The following SCAMP2 variants were observed in gnomAD, a reference collection of about 807,000 sequenced individuals.
The protein encoded by SCAMP2 is secretory carrier-associated membrane protein 2.
SCAMP2 carries 25 observed loss-of-function variants against 44.1 expected under a neutral mutation model. The observed-to-expected ratio is 0.57, with a 90% CI of 0.41 to 0.79. The LOEUF (loss-of-function observed/expected upper bound fraction) is 0.79. Ranked by LOEUF, SCAMP2 falls within the 30% of genes least tolerant of loss-of-function variation. SCAMP2 has a pLI of 0.00. For missense variants in SCAMP2, 355 were observed against 411.0 expected (o/e 0.86, Z 1.18); for synonymous variants, 156 against 166.0 (o/e 0.94, Z 0.46).
intron 6 of SCAMP2, 41 bp downstream of exon 6, chr15:74,850,473 G>A: frequency 6.3e-7 from 1 of 1,593,112 alleles, no homozygotes; most frequent in Non-Finnish European, 8.6e-7. Context: ...TACCTGGGAT[G>A]CCAGCCATAA....
At position 74,845,236 on chromosome 15, in the gene SCAMP2, G is replaced by C. The variant is rs770602744; in HGVS notation, c.856-19C>G. 6.2e-7 allele frequency: 1 copy of C among 1,609,632 alleles called. No individual in the cohort carries two copies. Among genetic ancestry groups the C allele is most frequent in the Admixed American group, 1.7e-5 (1 of 59,934 alleles). ...AGTGCACCTGGCGAAGAGGGGTGGGGTGAGAGAAGCCTGTCCTTTGGGCCC... is the reference window on the plus strand; with the variant it reads ...AGTGCACCTGGCGAAGAGGGGTGGGCTGAGAGAAGCCTGTCCTTTGGGCCC... On this transcript the variant is annotated intron_variant, in intron 8 of 8. Transcript: ENST00000268099.
At chr15:74,854,289 G>C (rs2064454128) in intron 2 of SCAMP2, among the ~76,000 whole-genome samples, 170 bp from the exon 3 acceptor site, 1 of 152,232 alleles carries the variant, frequency 6.6e-6, no homozygotes, top group Non-Finnish European at 1.5e-5. Context: ...TCAGGTTCAG[G>C]CCATCTGATC....
intron 1 of SCAMP2, among the ~76,000 whole-genome samples, chr15:74,869,167 A>G (rs192548270): frequency 6.6e-6 from 1 of 152,252 alleles, no homozygotes; most frequent in East Asian, 1.9e-4. Flanking sequence ...AAACATAAAC[A>G]AAGAAACAAA....
Position 74,844,749 on chromosome 15 carries a change from C to A in SCAMP2, c.*334G>T, listed in dbSNP as rs937842631. ...CAGAAAGCTCCAGCTGGGATGGGCC[C>A]AGGTCAGCCTGTGATCCCAACTGTG... On this transcript the variant is annotated 3_prime_UTR_variant, in exon 9 of 9. Transcript: ENST00000268099. 1.4e-5 allele frequency: 3 copies of A among 210,750 alleles called. No individual in the cohort carries two copies. Among genetic ancestry groups the A allele is most frequent in the Non-Finnish European group, 1.9e-5 (2 of 103,742 alleles). The allele number at this position is 210,750 out of a possible 1,614,324, so 13.1% of individuals were successfully genotyped here. A position where few individuals can be genotyped will look rare whatever the true frequency, so the allele number is the denominator to read the frequency against.
intron 1 of SCAMP2, among the ~76,000 whole-genome samples, chr15:74,864,197 G>A (rs1190508107): frequency 2.0e-5 from 3 of 152,136 alleles, no homozygotes; most frequent in East Asian, 1.9e-4. Context: ...GAGTAGCTAG[G>A]ATTACAGGTG....
chr15:74,854,276 G>A (rs1759235738), intron 2 of SCAMP2, among the ~76,000 whole-genome samples, 157 bp from the exon 3 acceptor site: 1 of 152,254 alleles, frequency 6.6e-6, no homozygotes, highest in Admixed American at 6.5e-5. Context: ...CAGCCAACAA[G>A]CCTCAGGTTC....
At chr15:74,861,442 T>G (rs2064502434) in intron 1 of SCAMP2, among the ~76,000 whole-genome samples, 1 of 152,148 alleles carries the variant, frequency 6.6e-6, no homozygotes, top group Admixed American at 6.5e-5. Context: ...TGTAAAAATC[T>G]GTACCTGCAA....
chr15:74,859,350 A>G (rs1163445555), intron 1 of SCAMP2, among the ~76,000 whole-genome samples: 2 of 152,186 alleles, frequency 1.3e-5, no homozygotes, highest in Non-Finnish European at 1.5e-5. Flanking sequence ...CTGGTATCTG[A>G]GACAAGTGGG....
At chr15:74,853,518 T>C in intron 3 of SCAMP2, 1 of 454,200 alleles carries the variant, frequency 2.2e-6, no homozygotes, top group Non-Finnish European at 4.4e-6. Context: ...AACTCCACCA[T>C]GGGTCACGCT....
In SCAMP2 at chr15:74,845,601, G is replaced by C; in HGVS notation, c.735-8C>G. On this transcript the variant is annotated splice_polypyrimidine_tract_variant and splice_region_variant and intron_variant, in intron 7 of 8. Coordinates refer to ENST00000268099, the MANE Select transcript of SCAMP2 (RefSeq NM_005697.5). ...AGGGCTGCAATCCAACCGCTATAAA[G>C]GGAAGAAGAGGCCAGAGGGAGCAAA... is the stretch of plus-strand genomic sequence containing the variant. 3 of 1,613,662 alleles carry C rather than the reference G, an allele frequency of 1.9e-6. No individual in the cohort carries two copies. Among genetic ancestry groups the C allele is most frequent in the Non-Finnish European group, 2.5e-6 (3 of 1,179,778 alleles).
In SCAMP2 at chr15:74,862,857, C is replaced by CACACAT. The variant is rs1339192262; in HGVS notation, c.58-8209_58-8208insATGTGT. Among the ~76,000 whole-genome samples, 388 of 45,454 alleles carry CACACAT rather than the reference C, an allele frequency of 8.5e-3. 2 individuals carry two copies. Among genetic ancestry groups the CACACAT allele is most frequent in the Middle Eastern group, 0.034 (4 of 118 alleles). 29.8% of individuals were successfully genotyped at this position (45,454 alleles called of 152,430 possible). A position where few individuals can be genotyped will look rare whatever the true frequency, so the allele number is the denominator to read the frequency against. On this transcript the variant is annotated intron_variant, in intron 1 of 8. Transcript: ENST00000268099. The stretch of plus-strand genomic sequence containing the variant: ...AAAAAAACAAAAAACAAACCATACA[C>CACACAT]ACACACACACACACACACACACACA...
rs143178662 is a variant in SCAMP2 at position 74,844,728 on chromosome 15, A to C, written c.*355T>G. On this transcript the variant is annotated 3_prime_UTR_variant, in exon 9 of 9. Coordinates refer to ENST00000268099, the MANE Select transcript of SCAMP2 (RefSeq NM_005697.5). ...AGTCAAGGCCCAGGACCCTGGCAGA[A>C]AGCTCCAGCTGGGATGGGCCCAGGT... The C allele has an allele frequency of 2.8e-3, 538 of 190,950 alleles. 4 individuals carry two copies. Among genetic ancestry groups the C allele is most frequent in the African/African-American group, 0.012 (519 of 42,748 alleles). 11.8% of individuals were successfully genotyped at this position (190,950 alleles called of 1,614,324 possible).
intron 5 of SCAMP2, 149 bp downstream of exon 5, chr15:74,851,204 G>C: frequency 2.3e-6 from 2 of 865,204 alleles, no homozygotes; most frequent in South Asian, 1.7e-5. Flanking sequence ...CCTGTGGGCA[G>C]AGGCATCTCC....
chr15:74,848,754 G>T, intron 6 of SCAMP2, 53 bp from the exon 7 acceptor site: 1 of 1,327,778 alleles, frequency 7.5e-7, no homozygotes. Flanking sequence ...GTGTTCCTCA[G>T]CATCCTTACT....
At chr15:74,853,249 G>A in intron 3 of SCAMP2, 1 of 361,530 alleles carries the variant, frequency 2.8e-6, no homozygotes, top group Admixed American at 3.3e-5. Flanking sequence ...CAGCTGCACA[G>A]AAAGGCAACT....
intron 1 of SCAMP2, 28 bp downstream of exon 1, chr15:74,873,171 G>A (rs760496671): frequency 7.0e-7 from 1 of 1,426,284 alleles, no homozygotes; most frequent in South Asian, 1.5e-5. Context: ...GGAAATCTGA[G>A]AGCTGGATGG....
chr15:74,873,117 TCCCGGCTCTAGCGAGAGGCCCGGGCGGCG>T, intron 1 of SCAMP2, 53 bp downstream of exon 1: 1 of 1,232,784 alleles, frequency 8.1e-7, no homozygotes, highest in Non-Finnish European at 1.1e-6. Flanking sequence ...ACGCCACGTC[TCCCGGCTCTAGCGAGAGGCCCGGGCGGCG>T]GCCGTGGGCC....
Position 74,873,345 on chromosome 15 carries a change from C to G in SCAMP2, c.-90G>C. 1.8e-6 allele frequency: 2 copies of G among 1,141,790 alleles called. No homozygotes were observed. Among genetic ancestry groups the G allele is most frequent in the Non-Finnish European group, 2.3e-6 (2 of 869,068 alleles). The allele number at this position is 1,141,790 out of a possible 1,614,324, so 70.7% of individuals were successfully genotyped here. On this transcript the variant is annotated 5_prime_UTR_variant, in exon 1 of 9. Coordinates refer to ENST00000268099, the MANE Select transcript of SCAMP2 (RefSeq NM_005697.5). ...GCGCTTCGTGTAGACCCTCCACTTCCGGGAGCGAGGCAGCGGTTCTGGCGC... is the reference window on the plus strand; with the variant it reads ...GCGCTTCGTGTAGACCCTCCACTTCGGGGAGCGAGGCAGCGGTTCTGGCGC...
At chr15:74,855,715 TCAA>T (rs1160550494) in intron 1 of SCAMP2, among the ~76,000 whole-genome samples, 1 of 40,260 alleles carries the variant, frequency 2.5e-5, no homozygotes, top group African/African-American at 1.0e-4. Flanking sequence ...AAACTCCATC[TCAA>T]AAAAAAAAAA....
Sources: gnomAD v4.1 joint callset for allele counts (sites outside exome capture counted in the v4.1 genomes callset) on GRCh38, gnomAD v4.1.1 for gene constraint, MANE v1.5 for transcripts, NCBI Gene and HGNC (gene_info 2026-07-23, HGNC 2026-07-21) for gene names.